FBXO25: variants seen among roughly 807,000 people sequenced by gnomAD.
The protein encoded by FBXO25 is F-box only protein 25.
In FBXO25, 45 loss-of-function variants were observed where a neutral mutation model predicts 51.9. That is an observed-to-expected ratio of 0.87 (90% CI 0.68 to 1.11). The LOEUF is 1.11. Among genes scored for constraint, FBXO25 ranks in the 50% most tolerant of loss-of-function variants. The probability of loss-of-function intolerance (pLI) is 0.00; values close to 1 mark genes in which losing one functional copy is unlikely to be tolerated. For missense variants in FBXO25, 507 were observed against 428.5 expected (o/e 1.18, Z -1.62); for synonymous variants, 199 against 151.0 (o/e 1.32, Z -2.33).
At chr8:407,391 G>T (rs1203378121) in intron 1 of FBXO25, 148 of 983,280 alleles carry the variant, frequency 1.5e-4, no homozygotes, top group Non-Finnish European at 1.7e-4. Flanking sequence ...GTCAGGTAGG[G>T]ACGATGGGCC....
intron 2 of FBXO25, among the ~76,000 whole-genome samples, chr8:429,943 GCC>G (rs1483644980): frequency 6.6e-6 from 1 of 152,182 alleles, no homozygotes; most frequent in East Asian, 1.9e-4. Flanking sequence ...TCTGAACCTG[GCC>G]CCACCACCTA....
intron 2 of FBXO25, among the ~76,000 whole-genome samples, chr8:422,596 G>T (rs1797223145): frequency 6.6e-6 from 1 of 152,168 alleles, no homozygotes; most frequent in Non-Finnish European, 1.5e-5. Flanking sequence ...GCTGCATGAA[G>T]GTGGGTGGAA....
At position 447,469 on chromosome 8, in the gene FBXO25, A is replaced by C. The variant is rs182800036; in HGVS notation, c.382-2521A>C. On this transcript the variant is annotated intron_variant, in intron 5 of 9. Coordinates refer to ENST00000350302, the MANE Select transcript of FBXO25 (RefSeq NM_183420.2). ...GAATCATGAGCAGACAGTTCATCAT[A>C]AATGAAAAAAACAGGAAACTCATGA... Among the ~76,000 whole-genome samples the C allele has an allele frequency of 7.2e-5, 11 of 152,304 alleles. No individual in the cohort carries two copies. In the East Asian group the frequency reaches 1.9e-3, roughly 27 times the overall value.
At chr8:453,333 C>T (rs958323453) in intron 7 of FBXO25, among the ~76,000 whole-genome samples, 6 of 152,044 alleles carry the variant, frequency 3.9e-5, no homozygotes, top group Non-Finnish European at 7.4e-5. Context: ...CACCTGAGTC[C>T]CTGGGTGCTC....
chr8:419,819 C>T (rs949130263), intron 2 of FBXO25, among the ~76,000 whole-genome samples: 25 of 151,994 alleles, frequency 1.6e-4, no homozygotes, highest in African/African-American at 4.6e-4. Context: ...TGCATTTTAT[C>T]AAAATTTTAA....
intron 5 of FBXO25, among the ~76,000 whole-genome samples, chr8:439,342 T>C (rs1798288343): frequency 6.6e-6 from 1 of 152,236 alleles, no homozygotes; most frequent in Non-Finnish European, 1.5e-5. Context: ...GAAAGCTTCC[T>C]GAAAGCTGCA....
chr8:414,695 G>A (rs947075068), intron 2 of FBXO25, among the ~76,000 whole-genome samples: 6 of 151,628 alleles, frequency 4.0e-5, no homozygotes, highest in African/African-American at 1.2e-4. Context: ...TTTCCCCTTC[G>A]CCCAAACTTA....
intron 8 of FBXO25, 111 bp downstream of exon 8, chr8:458,662 T>C: frequency 9.9e-7 from 1 of 1,006,986 alleles, no homozygotes; most frequent in Non-Finnish European, 1.5e-6. Flanking sequence ...ATTTTCTACT[T>C]TTAAAGAACC....
chr8:446,171 A>C (rs1798725137), intron 5 of FBXO25, among the ~76,000 whole-genome samples: 1 of 152,116 alleles, frequency 6.6e-6, no homozygotes, highest in Non-Finnish European at 1.5e-5. Context: ...ATCATATCTT[A>C]GTGAAACTGT....
chr8:466,221 C>A (rs1045611211), intron 9 of FBXO25, among the ~76,000 whole-genome samples: 5 of 152,250 alleles, frequency 3.3e-5, no homozygotes, highest in African/African-American at 9.6e-5. Flanking sequence ...TGTCTTCCAT[C>A]TCCTCCGCCG....
intron 2 of FBXO25, among the ~76,000 whole-genome samples, chr8:418,981 G>T (rs1796985761): frequency 6.6e-6 from 1 of 152,122 alleles, no homozygotes; most frequent in African/African-American, 2.4e-5. Context: ...TAGGCAGATT[G>T]CTTACCACAC....
intron 8 of FBXO25, among the ~76,000 whole-genome samples, chr8:461,591 C>T (rs1799816239): frequency 6.6e-6 from 1 of 152,212 alleles, no homozygotes; most frequent in Non-Finnish European, 1.5e-5. Flanking sequence ...AACTACAATT[C>T]AAGATTTGGC....
intron 8 of FBXO25, 120 bp downstream of exon 8, chr8:458,671 C>G: frequency 2.2e-6 from 2 of 927,888 alleles, no homozygotes; most frequent in Non-Finnish European, 3.2e-6. Context: ...TTTTAAAGAA[C>G]CAGGAACAAT....
rs1053778934 is a variant in FBXO25 at position 469,997 on chromosome 8, C to G, written c.*1193C>G. On this transcript the variant is annotated 3_prime_UTR_variant, in exon 10 of 10. Transcript: ENST00000350302. ...CTGAGGCGATGCAAATACCTGGGGC[C>G]TCTGCGAATATATGTTAGTTTTTCA... 1 of 152,152 alleles carries G rather than the reference C, an allele frequency of 6.6e-6. No homozygotes were observed. Among genetic ancestry groups the G allele is most frequent in the Non-Finnish European group, 1.5e-5 (1 of 68,032 alleles). 9.4% of individuals were successfully genotyped at this position (152,152 alleles called of 1,614,324 possible). A position where few individuals can be genotyped will look rare whatever the true frequency, so the allele number is the denominator to read the frequency against.
intron 2 of FBXO25, among the ~76,000 whole-genome samples, chr8:416,164 G>C (rs186486432): frequency 2.0e-5 from 3 of 152,214 alleles, no homozygotes; most frequent in African/African-American, 7.2e-5. Flanking sequence ...GCTATGTGCC[G>C]GTAGGGCCCC....
intron 2 of FBXO25, among the ~76,000 whole-genome samples, chr8:429,950 C>T (rs1294350645): frequency 6.6e-6 from 1 of 152,228 alleles, no homozygotes; most frequent in Non-Finnish European, 1.5e-5. Flanking sequence ...CTGGCCCCAC[C>T]ACCTATGGGC....
chr8:413,675 T>G (rs996955931), intron 2 of FBXO25, among the ~76,000 whole-genome samples: 2 of 152,228 alleles, frequency 1.3e-5, no homozygotes, highest in Admixed American at 1.3e-4. Flanking sequence ...GAGTGCAGCC[T>G]TACCTGCATG....
In FBXO25 at chr8:410,996, T is replaced by G. The variant is rs7841956; in HGVS notation, c.-7-2077T>G. Among the ~76,000 whole-genome samples the G allele has an allele frequency of 3.7e-3, 570 of 152,306 alleles. 6 individuals are homozygous for G. The highest frequency in any genetic ancestry group is 0.012 in the African/African-American group (504 of 41,564). On this transcript the variant is annotated intron_variant, in intron 1 of 9. Coordinates refer to ENST00000350302, the MANE Select transcript of FBXO25 (RefSeq NM_183420.2). ...TTTTTCTGTATCTTCTAGGATTGTATAAGTGCCCATTTAATAGCTTGTTTT... is the reference window on the plus strand; with the variant it reads ...TTTTTCTGTATCTTCTAGGATTGTAGAAGTGCCCATTTAATAGCTTGTTTT...
chr8:457,023 G>C (rs1799484873), intron 7 of FBXO25, among the ~76,000 whole-genome samples: 1 of 151,274 alleles, frequency 6.6e-6, no homozygotes, highest in South Asian at 2.1e-4. Context: ...ACTGTGCTTT[G>C]TGTGCAGTAG....
Sources: gnomAD v4.1 joint callset for allele counts (sites outside exome capture counted in the v4.1 genomes callset) on GRCh38, gnomAD v4.1.1 for gene constraint, MANE v1.5 for transcripts, NCBI Gene and HGNC (gene_info 2026-07-23, HGNC 2026-07-21) for gene names.